The following DPP6 variants were observed in gnomAD, a reference collection of about 807,000 sequenced individuals.
DPP6 encodes dipeptidyl peptidase like 6.
In DPP6, 69 loss-of-function variants were observed where a neutral mutation model predicts 122.6. The observed-to-expected ratio is 0.56, with a 90% confidence interval of 0.46 to 0.69. The LOEUF (loss-of-function observed/expected upper bound fraction) is 0.69. Among genes scored for constraint, DPP6 ranks in the 30% least tolerant of loss-of-function variants. DPP6 has a pLI of 0.00. For synonymous variants in DPP6, 418 were observed against 433.1 expected, an observed-to-expected ratio of 0.97 and a Z score of 0.43; for missense variants, 928 against 1,116.9, an observed-to-expected ratio of 0.83 and a Z score of 2.41.
At chr7:153,914,869 T>C (rs1800238320) in intron 1 of DPP6, among the ~76,000 whole-genome samples, 1 of 152,210 alleles carries the variant, frequency 6.6e-6, no homozygotes, top group South Asian at 2.1e-4. Context: ...ATGATTTTTG[T>C]CTATGCTGTG....
intron 16 of DPP6, among the ~76,000 whole-genome samples, chr7:154,823,539 T>C (rs1401841487): frequency 6.6e-6 from 1 of 152,240 alleles, no homozygotes; most frequent in Non-Finnish European, 1.5e-5. Flanking sequence ...GATAAAGTTT[T>C]AGGGAGACAG....
At chr7:154,610,744 T>TGA (rs1554408842) in intron 5 of DPP6, among the ~76,000 whole-genome samples, 41 of 143,106 alleles carry the variant, frequency 2.9e-4, no homozygotes, top group East Asian at 6.0e-4. Flanking sequence ...TGTGTGTGTG[T>TGA]GATTGTGCAC....
chr7:154,254,910 A>G (rs1802561532), intron 1 of DPP6, among the ~76,000 whole-genome samples: 1 of 152,134 alleles, frequency 6.6e-6, no homozygotes, highest in Non-Finnish European at 1.5e-5. Flanking sequence ...TGTAGGAGGA[A>G]TACATTATTA....
the DPP6 span, among the ~76,000 whole-genome samples, chr7:153,843,051 AGT>A: frequency 2.0e-5 from 3 of 151,858 alleles, no homozygotes; most frequent in Non-Finnish European, 4.4e-5. Context: ...TACACACATG[AGT>A]GCATACACGA....
chr7:154,079,004 A>G (rs1446037072), intron 1 of DPP6, among the ~76,000 whole-genome samples: 45 of 151,162 alleles, frequency 3.0e-4, no homozygotes, highest in Admixed American at 2.9e-3. Context: ...CACGCCTGTA[A>G]TCCTAGCACT....
intron 1 of DPP6, among the ~76,000 whole-genome samples, chr7:154,419,444 C>T (rs971470148): frequency 6.6e-6 from 1 of 152,190 alleles, no homozygotes; most frequent in African/African-American, 2.4e-5. Flanking sequence ...TCTCTCTTGG[C>T]TGCTTGAGAA....
At chr7:154,090,384 C>A (rs528594547) in intron 1 of DPP6, among the ~76,000 whole-genome samples, 8 of 152,188 alleles carry the variant, frequency 5.3e-5, no homozygotes, top group Middle Eastern at 6.8e-3. Flanking sequence ...GCTTAGGATC[C>A]GGTTGCTAAT....
chr7:153,910,694 C>T (rs1032776651), intron 1 of DPP6, among the ~76,000 whole-genome samples: 64 of 152,166 alleles, frequency 4.2e-4, no homozygotes, highest in African/African-American at 1.5e-3. Context: ...GGATTTACCT[C>T]TTCCACCCCT....
intron 4 of DPP6, among the ~76,000 whole-genome samples, chr7:154,565,772 G>A (rs551044776): frequency 3.4e-4 from 51 of 152,186 alleles, no homozygotes; most frequent in Admixed American, 2.1e-3. Context: ...TGATCCACCC[G>A]CCTCGGCCTC....
In DPP6 at chr7:154,089,246, C is replaced by T. The variant is rs201516756; in HGVS notation, c.243+36183C>T. On this transcript the variant is annotated intron_variant, in intron 1 of 25. Coordinates refer to ENST00000377770, the MANE Select transcript of DPP6 (RefSeq NM_130797.4). ...TCAGAAGTGTTCAAAACGTGGAATGCGAGTCTCCAGGAATTGTGATTTTTT... is the reference window on the plus strand; with the variant it reads ...TCAGAAGTGTTCAAAACGTGGAATGTGAGTCTCCAGGAATTGTGATTTTTT... Among the ~76,000 whole-genome samples, 3 of 151,300 alleles carry T rather than the reference C, an allele frequency of 2.0e-5. No individual in the cohort carries two copies. The East Asian group carries it at 5.9e-4, about 30-fold the overall frequency.
At chr7:154,444,297 T>C (rs950329708) in intron 1 of DPP6, among the ~76,000 whole-genome samples, 2 of 142,556 alleles carry the variant, frequency 1.4e-5, no homozygotes, top group Non-Finnish European at 3.0e-5. Flanking sequence ...CTCTACTAAA[T>C]AGACAAAAAA....
intron 6 of DPP6, among the ~76,000 whole-genome samples, chr7:154,651,367 A>AGTTTTAAATCAACTATATCTGCAGCCT (rs1274998312): frequency 6.6e-6 from 1 of 151,088 alleles, no homozygotes; most frequent in Non-Finnish European, 1.5e-5. Flanking sequence ...ACATAAGTAT[A>AGTTTTAAATCAACTATATCTGCAGCCT]GTTTTAAATC....
the DPP6 span, among the ~76,000 whole-genome samples, chr7:153,767,818 A>G: frequency 4.6e-5 from 7 of 152,126 alleles, no homozygotes; most frequent in African/African-American, 7.2e-5. Flanking sequence ...TTGCAGCACT[A>G]TTGTGTTGAG....
chr7:154,460,819 C>G (rs973518429), intron 2 of DPP6, among the ~76,000 whole-genome samples: 8 of 152,156 alleles, frequency 5.3e-5, no homozygotes, highest in Non-Finnish European at 1.0e-4. Context: ...TATCCATCCC[C>G]TTAAGCATTT....
rs150031871 is a variant in DPP6, at chr7:154,820,801, A to T, written c.1666+13689A>T. Reference sequence around the variant, plus strand: ...GATATGATGGAAAAAAACTTTCCCCATGCTTTTGAGTCGTTAGGGAAAAGA... The same window carrying T: ...GATATGATGGAAAAAAACTTTCCCCTTGCTTTTGAGTCGTTAGGGAAAAGA... On this transcript the variant is annotated intron_variant, in intron 16 of 25. Transcript: ENST00000377770. Among the ~76,000 whole-genome samples the T allele has an allele frequency of 8.8e-3, 1,346 of 152,336 alleles. 20 individuals are homozygous for T. Among genetic ancestry groups the T allele is most frequent in the African/African-American group, 0.03 (1,263 of 41,570 alleles).
At chr7:154,593,734 T>A (rs1231360767) in intron 5 of DPP6, among the ~76,000 whole-genome samples, 1 of 152,158 alleles carries the variant, frequency 6.6e-6, no homozygotes, top group East Asian at 1.9e-4. Context: ...CCTGAGCCCT[T>A]TCCACACGCA....
chr7:153,938,147 A>G (rs2129015888), intron 1 of DPP6, among the ~76,000 whole-genome samples: 1 of 152,254 alleles, frequency 6.6e-6, no homozygotes, highest in Admixed American at 6.5e-5. Flanking sequence ...GTTGGAAGGA[A>G]TGAGTGGAAC....
intron 18 of DPP6, among the ~76,000 whole-genome samples, chr7:154,869,719 C>T (rs1804220271): frequency 6.6e-6 from 1 of 152,254 alleles, no homozygotes; most frequent in Non-Finnish European, 1.5e-5. Context: ...CCAAAAACTT[C>T]TGGCCCCGCC....
intron 2 of DPP6, among the ~76,000 whole-genome samples, chr7:154,454,076 A>G (rs1299439649): frequency 6.6e-6 from 1 of 152,128 alleles, no homozygotes; most frequent in Admixed American, 6.6e-5. Context: ...GGGCTCCTAT[A>G]TTAAATTCAT....
Sources: gnomAD v4.1 joint callset for allele counts (sites outside exome capture counted in the v4.1 genomes callset) on GRCh38, gnomAD v4.1.1 for gene constraint, MANE v1.5 for transcripts, NCBI Gene and HGNC (gene_info 2026-07-23, HGNC 2026-07-21) for gene names.